FRMPD4: variants seen among roughly 807,000 people sequenced by gnomAD.
FRMPD4 encodes the protein FERM and PDZ domain containing 4.
A neutral mutation model predicts 94.1 loss-of-function variants in FRMPD4; 22 were observed. The ratio of observed to expected loss-of-function variants is 0.23; its 90% CI spans 0.17 to 0.33. The LOEUF (loss-of-function observed/expected upper bound fraction) is 0.33. FRMPD4 is among the 10% of genes least tolerant of loss of function. The probability of loss-of-function intolerance (pLI) is 1.00; values close to 1 mark genes in which losing one functional copy is unlikely to be tolerated. For missense variants in FRMPD4, 1,111 were observed against 1,339.9 expected (o/e 0.83, Z 2.67); for synonymous variants, 631 against 548.6 (o/e 1.15, Z -2.10).
At chrX:12,379,195 A>G (rs1354236086) in intron 1 of FRMPD4, among the ~76,000 whole-genome samples, 1 of 112,221 alleles carries the variant, frequency 8.9e-6, no homozygotes, top group Non-Finnish European at 1.9e-5. Flanking sequence ...TGATTTTTAC[A>G]TGTGTTTGTT....
intron 4 of FRMPD4, among the ~76,000 whole-genome samples, chrX:12,667,585 TA>T (rs2059793122): frequency 8.9e-6 from 1 of 112,593 alleles, no homozygotes; most frequent in Non-Finnish European, 1.9e-5. Flanking sequence ...ACACCAGCCT[TA>T]GCTTCATTGT....
chrX:11,908,146 A>G (rs1054649058), intron 3 of FRMPD4, among the ~76,000 whole-genome samples: 1 of 112,032 alleles, frequency 8.9e-6, no homozygotes, highest in Non-Finnish European at 1.9e-5. Context: ...TAAAGATTCT[A>G]CTTTCTGCTG....
At chrX:12,292,779 T>A in intron 1 of FRMPD4, among the ~76,000 whole-genome samples, 1 of 111,438 alleles carries the variant, frequency 9.0e-6, no homozygotes, top group Non-Finnish European at 1.9e-5. Context: ...GTGAAGTCTC[T>A]TGACACGCAT....
At chrX:12,132,943 TGTG>T (rs1452648718) in intron 3 of FRMPD4, among the ~76,000 whole-genome samples, 1 of 109,437 alleles carries the variant, frequency 9.1e-6, no homozygotes, top group Non-Finnish European at 1.9e-5. Context: ...TGACAGGAGA[TGTG>T]GTGGGAATTA....
intron 1 of FRMPD4, among the ~76,000 whole-genome samples, chrX:12,176,098 G>A (rs2056291533): frequency 8.9e-6 from 1 of 111,904 alleles, no homozygotes; most frequent in Admixed American, 9.5e-5. Flanking sequence ...ACAGAACAGA[G>A]TTGGGAAGAC....
At chrX:12,339,619 A>AT (rs767456295) in intron 1 of FRMPD4, among the ~76,000 whole-genome samples, 6,882 of 101,704 alleles carry the variant, frequency 0.068, 582 homozygotes, top group African/African-American at 0.22. Flanking sequence ...AGTTTAATGA[A>AT]TTTTTTTTTT....
At chrX:12,656,633 T>C (rs892451363) in intron 4 of FRMPD4, among the ~76,000 whole-genome samples, 7 of 112,411 alleles carry the variant, frequency 6.2e-5, no homozygotes, top group African/African-American at 2.3e-4. Context: ...ATTGTATTCA[T>C]ATAATGTTGC....
chrX:12,208,545 C>T (rs1391103133), intron 1 of FRMPD4, among the ~76,000 whole-genome samples: 1 of 111,064 alleles, frequency 9.0e-6, no homozygotes, highest in Non-Finnish European at 1.9e-5. Context: ...CTTTTGTATC[C>T]TTTGCAATGT....
chrX:12,031,407 T>C (rs1301757761), intron 3 of FRMPD4, among the ~76,000 whole-genome samples: 1 of 112,405 alleles, frequency 8.9e-6, no homozygotes, highest in Non-Finnish European at 1.9e-5. Flanking sequence ...GAGACAATGT[T>C]CATGGCTGTG....
At chrX:12,652,591 C>T (rs899334517) in intron 4 of FRMPD4, among the ~76,000 whole-genome samples, 2 of 111,857 alleles carry the variant, frequency 1.8e-5, no homozygotes, top group Non-Finnish European at 3.8e-5. Context: ...TCTGCCAGTC[C>T]TAGATTTTTC....
chrX:12,521,835 A>G (rs949757664), intron 2 of FRMPD4, among the ~76,000 whole-genome samples: 1 of 111,011 alleles, frequency 9.0e-6, no homozygotes, highest in African/African-American at 3.3e-5. Flanking sequence ...CAATAAAGAG[A>G]AAAGGGAGAA....
intron 7 of FRMPD4, among the ~76,000 whole-genome samples, chrX:12,689,698 T>C (rs1441367404): frequency 8.9e-6 from 1 of 112,693 alleles, no homozygotes; most frequent in Non-Finnish European, 1.9e-5. Flanking sequence ...AGAGCAGCCA[T>C]AGATTTTAGA....
At chrX:12,161,519 A>C (rs762497193) in intron 1 of FRMPD4, among the ~76,000 whole-genome samples, 11 of 111,906 alleles carry the variant, frequency 9.8e-5, no homozygotes, top group South Asian at 3.8e-4. Context: ...TCAGCATAAC[A>C]ACCCAGTGGG....
intron 3 of FRMPD4, among the ~76,000 whole-genome samples, chrX:12,010,030 T>C (rs912033730): frequency 8.9e-6 from 1 of 111,735 alleles, no homozygotes; most frequent in African/African-American, 3.3e-5. Flanking sequence ...CATGTTTATT[T>C]TGGGTTCCAT....
At chrX:12,011,773 T>C (rs968996285) in intron 3 of FRMPD4, among the ~76,000 whole-genome samples, 1 of 112,255 alleles carries the variant, frequency 8.9e-6, no homozygotes, top group African/African-American at 3.2e-5. Context: ...TGTAAAATGC[T>C]ACATAAATAT....
chrX:12,117,180 G>A (rs757517184), intron 3 of FRMPD4, among the ~76,000 whole-genome samples: 2 of 111,844 alleles, frequency 1.8e-5, no homozygotes, highest in Non-Finnish European at 3.8e-5. Context: ...CATGTATATC[G>A]TATGATCTTG....
At chrX:12,711,567 A>G (rs1602361053) in intron 14 of FRMPD4, among the ~76,000 whole-genome samples, 1 of 111,298 alleles carries the variant, frequency 9.0e-6, no homozygotes, top group South Asian at 3.8e-4. Context: ...TTACTTAAGC[A>G]TTTTACTCCA....
intron 1 of FRMPD4, among the ~76,000 whole-genome samples, chrX:12,151,634 C>T (rs1046436913): frequency 9.0e-6 from 1 of 111,689 alleles, no homozygotes; most frequent in African/African-American, 3.2e-5. Context: ...GCAATGAGAT[C>T]GTTAGCCTTC....
At chrX:12,327,347 C>T (rs1190021107) in intron 1 of FRMPD4, among the ~76,000 whole-genome samples, 2 of 111,860 alleles carry the variant, frequency 1.8e-5, no homozygotes, top group Non-Finnish European at 3.8e-5. Flanking sequence ...GTACATGTAA[C>T]ATTTTAGAAA....
Sources: gnomAD v4.1 joint callset for allele counts (sites outside exome capture counted in the v4.1 genomes callset) on GRCh38, gnomAD v4.1.1 for gene constraint, MANE v1.5 for transcripts, NCBI Gene and HGNC (gene_info 2026-07-23, HGNC 2026-07-21) for gene names.